DSG2: variants seen among roughly 807,000 people sequenced by gnomAD.
DSG2 encodes desmoglein 2.
A neutral mutation model predicts 75.6 loss-of-function variants in DSG2; 45 were observed. The observed-to-expected ratio is 0.60, with a 90% CI of 0.47 to 0.76. The LOEUF is 0.76. DSG2 is among the 30% of genes least tolerant of loss of function. The pLI is 0.00. For missense variants in DSG2, 1,267 were observed against 1,357.4 expected, an observed-to-expected ratio of 0.93 and a Z score of 1.05; for synonymous variants, 429 against 483.9, an observed-to-expected ratio of 0.89 and a Z score of 1.49.
In DSG2 at chr18:31,536,333, G is replaced by T. The variant is rs778119035; in HGVS notation, c.1555G>T (p.Asp519Tyr). Residue 519 changes from aspartate (D) to tyrosine (Y), a missense_variant, in exon 11 of 15, where the codon GAC becomes TAC. Coordinates refer to ENST00000261590, the MANE Select transcript of DSG2 (RefSeq NM_001943.5). ...AGAGTATGTGAATGTTACTGCAGAG[G>T]ACCTGGATGGACACCCAAACAGTGG... ...DAEYVNVTAEDLDGHPNSGPF... is the reference protein window; with the variant it reads ...DAEYVNVTAEYLDGHPNSGPF... 10 of 1,614,064 alleles carry T rather than the reference G, an allele frequency of 6.2e-6. No individual in the cohort carries two copies. In the African/African-American group the frequency reaches 1.1e-4, roughly 17 times the overall value.
At chr18:31,529,146 T>TA (rs1193671091) in intron 8 of DSG2, among the ~76,000 whole-genome samples, 5 of 152,194 alleles carry the variant, frequency 3.3e-5, no homozygotes, top group Non-Finnish European at 5.9e-5. Context: ...CAATCTTTAA[T>TA]GTTATTAAAA....
chr18:31,548,051 A>G lies in DSG2; in HGVS notation c.*1308A>G, dbSNP rs2073327409. The G allele has an allele frequency of 6.6e-6, 1 of 152,182 alleles. No homozygotes were observed. Among genetic ancestry groups the G allele is most frequent in the South Asian group, 2.1e-4 (1 of 4,836 alleles). 9.4% of individuals were successfully genotyped at this position (152,182 alleles called of 1,614,324 possible). ...AAAAATCTCAAAAGGCCCTGTATTT[A>G]TGTAATTCTTTGAAATTATTATTTT... On this transcript the variant is annotated 3_prime_UTR_variant, in exon 15 of 15. Coordinates refer to ENST00000261590, the MANE Select transcript of DSG2 (RefSeq NM_001943.5).
intron 9 of DSG2, among the ~76,000 whole-genome samples, chr18:31,533,294 C>T (rs551565837): frequency 6.6e-6 from 1 of 152,066 alleles, no homozygotes; most frequent in Non-Finnish European, 1.5e-5. Context: ...CACAGCAAGA[C>T]CTTGTCTCTA....
chr18:31,542,429 C>T, intron 13 of DSG2, 91 bp from the exon 14 acceptor site: 1 of 1,385,752 alleles, frequency 7.2e-7, no homozygotes, highest in South Asian at 1.2e-5. Flanking sequence ...CTTATACCTT[C>T]CTATGCCCAC....
intron 1 of DSG2, among the ~76,000 whole-genome samples, chr18:31,516,031 A>G (rs2073092353): frequency 6.6e-6 from 1 of 152,218 alleles, no homozygotes; most frequent in Non-Finnish European, 1.5e-5. Context: ...GCATAAATGG[A>G]AGGTGGAGTA....
intron 8 of DSG2, among the ~76,000 whole-genome samples, chr18:31,525,564 C>A (rs1278138595): frequency 6.6e-6 from 1 of 151,152 alleles, no homozygotes; most frequent in African/African-American, 2.4e-5. Flanking sequence ...CCAGGCCTCA[C>A]TAATAACATC....
intron 1 of DSG2, among the ~76,000 whole-genome samples, chr18:31,510,649 G>A (rs1374630364): frequency 6.6e-6 from 1 of 152,026 alleles, no homozygotes; most frequent in Non-Finnish European, 1.5e-5. Context: ...AGATGTGCAG[G>A]ATCCAATGGT....
chr18:31,521,931 C>T (rs2073130537), intron 5 of DSG2, 152 bp from the exon 6 acceptor site: 1 of 675,106 alleles, frequency 1.5e-6, no homozygotes, highest in Non-Finnish European at 2.5e-6. Context: ...CTTATGTCCT[C>T]ATCCAGTTAA....
chr18:31,536,269 C>A lies in DSG2; in HGVS notation c.1491C>A (p.Pro497=). 1 of 1,614,200 alleles carries A rather than the reference C, an allele frequency of 6.2e-7. No homozygotes were observed. Among genetic ancestry groups the A allele is most frequent in the Middle Eastern group, 1.6e-4 (1 of 6,062 alleles). ...INVEDINDNC[P]TLIEPVQTIC... is the part of the protein sequence containing the mutation. ...TTGAAGACATCAACGACAACTGTCC[C>A]ACACTGATAGAGCCTGTGCAGACAA... The change falls in exon 11 of 15, where the codon CCC becomes CCA. Residue 497 remains proline (P), a synonymous_variant. Coordinates refer to ENST00000261590, the MANE Select transcript of DSG2 (RefSeq NM_001943.5).
At chr18:31,522,473 A>C (rs2073134713) in intron 6 of DSG2, 2 of 454,310 alleles carry the variant, frequency 4.4e-6, no homozygotes, top group South Asian at 6.2e-5. Flanking sequence ...TGCACGTTGA[A>C]TGTGTAATAT....
At chr18:31,518,046 T>C (rs577684213) in intron 1 of DSG2, among the ~76,000 whole-genome samples, 193 bp from the exon 2 acceptor site, 3 of 152,310 alleles carry the variant, frequency 2.0e-5, no homozygotes, top group African/African-American at 4.8e-5. Context: ...CAGGAGAATA[T>C]AGATTTCTCC....
intron 1 of DSG2, among the ~76,000 whole-genome samples, chr18:31,503,918 T>G (rs2073026461): frequency 6.6e-6 from 1 of 152,186 alleles, no homozygotes; most frequent in Non-Finnish European, 1.5e-5. Flanking sequence ...CTTCAAGAAT[T>G]GGGCACGTGT....
At chr18:31,514,482 C>G (rs1473935133) in intron 1 of DSG2, among the ~76,000 whole-genome samples, 7 of 152,150 alleles carry the variant, frequency 4.6e-5, no homozygotes, top group Admixed American at 4.6e-4. Flanking sequence ...GAGATACTAG[C>G]AGTCAAGAGT....
chr18:31,540,866 T>A (rs996147847), intron 12 of DSG2, among the ~76,000 whole-genome samples: 4 of 152,216 alleles, frequency 2.6e-5, no homozygotes, highest in African/African-American at 4.8e-5. Context: ...ACCATAGTTT[T>A]AAAAAAATTA....
chr18:31,505,866 T>A (rs964803946), intron 1 of DSG2, among the ~76,000 whole-genome samples: 1 of 152,130 alleles, frequency 6.6e-6, no homozygotes, highest in Non-Finnish European at 1.5e-5. Context: ...TTCACCATGT[T>A]GGCCAGAATG....
At position 31,524,750 on chromosome 18, in the gene DSG2, C is replaced by T. The variant is rs2073151714; in HGVS notation, c.876C>T (p.Arg292=). The change falls in exon 8 of 15, where the codon CGC becomes CGT. Residue 292 remains arginine, a synonymous_variant. Transcript: ENST00000261590. The part of the protein sequence containing the change: ...EENQVNVEVT[R]IKVFDADEIG... ...ATCAAGTCAACGTAGAAGTTACGCG[C>T]ATAAAAGTGTTCGATGCAGATGAAA... is the stretch of plus-strand genomic sequence containing the variant. The T allele has an allele frequency of 6.2e-7, 1 of 1,614,114 alleles. No individual in the cohort carries two copies. The highest frequency in any genetic ancestry group is 1.1e-5 in the South Asian group (1 of 91,070).
intron 13 of DSG2, 36 bp from the exon 14 acceptor site, chr18:31,542,484 T>C: frequency 6.2e-7 from 1 of 1,610,000 alleles, no homozygotes; most frequent in East Asian, 2.2e-5. Flanking sequence ...CCCTCCATCC[T>C]CCTGACTCAG....
At chr18:31,508,148 T>C (rs1000571412) in intron 1 of DSG2, among the ~76,000 whole-genome samples, 5 of 152,166 alleles carry the variant, frequency 3.3e-5, no homozygotes, top group African/African-American at 1.2e-4. Flanking sequence ...TGCATGTGGC[T>C]AGCCAGTTTT....
chr18:31,545,177 G>T (rs942719162), intron 14 of DSG2, among the ~76,000 whole-genome samples: 11 of 152,118 alleles, frequency 7.2e-5, no homozygotes, highest in Non-Finnish European at 1.6e-4. Context: ...ATGTATGTGT[G>T]TACTAACTTT....
Sources: allele counts gnomAD v4.1 joint callset (sites outside exome capture counted in the v4.1 genomes callset), GRCh38; gene constraint gnomAD v4.1.1; transcripts MANE v1.5; gene names NCBI Gene and HGNC (gene_info 2026-07-23, HGNC 2026-07-21).